Variants in SPATA9 observed in about 807,000 individuals in gnomAD.
SPATA9 encodes spermatogenesis associated 9.
In SPATA9, 27 loss-of-function variants were observed where a neutral mutation model predicts 25.5. That is an observed-to-expected ratio of 1.06 (90% CI 0.78 to 1.46). SPATA9 has a LOEUF of 1.46. SPATA9 is among the 40% of genes most tolerant of loss of function. The pLI is 0.00. For missense variants in SPATA9, 282 were observed against 297.5 expected (o/e 0.95, Z 0.38); for synonymous variants, 102 against 105.7 (o/e 0.97, Z 0.21).
chr5:95,721,759 G>C, the SPATA9 span, among the ~76,000 whole-genome samples: 2 of 150,110 alleles, frequency 1.3e-5, no homozygotes, highest in Admixed American at 6.6e-5. Context: ...AATCTCAGGA[G>C]AGAGTAATCA....
chr5:95,658,586 T>C lies in SPATA9; in HGVS notation c.*37A>G. On this transcript the variant is annotated 3_prime_UTR_variant, in exon 5 of 5. Coordinates refer to ENST00000274432, the MANE Select transcript of SPATA9 (RefSeq NM_031952.4). ...TTGTCAGATGAAATGTGCCATTAAA[T>C]AGATAACTCTTAAGTTCTGTTCAGT... The C allele has an allele frequency of 6.4e-7, 1 of 1,565,566 alleles. No homozygotes were observed. The highest frequency in any genetic ancestry group is 8.6e-7 in the Non-Finnish European group (1 of 1,157,982).
intron 3 of SPATA9, among the ~76,000 whole-genome samples, chr5:95,668,143 G>A (rs935068405): frequency 7.9e-5 from 12 of 152,218 alleles, no homozygotes; most frequent in African/African-American, 2.6e-4. Context: ...GGACTAGTAC[G>A]GGTGTCTACA....
At chr5:95,719,859 G>C in the SPATA9 span, 1 of 152,224 alleles carries the variant, frequency 6.6e-6, no homozygotes, top group Non-Finnish European at 1.5e-5. Context: ...ATATCTCTCT[G>C]TGATAACTCG....
At chr5:95,731,778 T>C in the SPATA9 span, 1 of 1,603,310 alleles carries the variant, frequency 6.2e-7, no homozygotes, top group Non-Finnish European at 8.5e-7. Context: ...CCGCGCGCTG[T>C]CCCCCGCACT....
chr5:95,712,075 A>G, the SPATA9 span, among the ~76,000 whole-genome samples: 61 of 152,098 alleles, frequency 4.0e-4, no homozygotes. Context: ...CAAGGCCGGG[A>G]CTCCATAAAT....
intron 4 of SPATA9, among the ~76,000 whole-genome samples, chr5:95,660,472 AGATATTT>A (rs1751160926): frequency 1.3e-5 from 2 of 152,186 alleles, no homozygotes; most frequent in African/African-American, 4.8e-5. Context: ...CTTATAATTA[AGATATTT>A]AAGTATCTTT....
At chr5:95,716,893 A>C in the SPATA9 span, 1 of 152,134 alleles carries the variant, frequency 6.6e-6, no homozygotes, top group African/African-American at 2.4e-5. Context: ...ATAAAGGGCA[A>C]TTCTCCTGCA....
At chr5:95,712,621 T>A in the SPATA9 span, among the ~76,000 whole-genome samples, 1 of 152,132 alleles carries the variant, frequency 6.6e-6, no homozygotes, top group Non-Finnish European at 1.5e-5. Context: ...GACAAGAAAG[T>A]GAAGGTGCCT....
At chr5:95,653,462 C>CT (rs1750486930), downstream of SPATA9, among the ~76,000 whole-genome samples, 2 of 152,340 alleles carry the variant, frequency 1.3e-5, no homozygotes, top group East Asian at 1.9e-4. Context: ...ACTTAAATCT[C>CT]TATGTTTTAC....
Position 95,658,750 on chromosome 5 carries a change from T to C in SPATA9, c.638A>G (p.Tyr213Cys). 8 of 1,613,908 alleles carry C rather than the reference T, an allele frequency of 5.0e-6. No homozygotes were observed. Among genetic ancestry groups the C allele is most frequent in the South Asian group, 1.1e-5 (1 of 91,076 alleles). Residue 213 changes from tyrosine (Y) to cysteine (C), a missense_variant, in exon 5 of 5, where the codon TAT becomes TGT. Transcript: ENST00000274432. ...FAEGEIKAKP[Y>C]RSLPEKPDIS... ...GTCTGGCTTCTCCGGCAATGACCTATAAGGTTTTGCTTTGATTTCACCTTC... is the reference window on the plus strand; with the variant it reads ...GTCTGGCTTCTCCGGCAATGACCTACAAGGTTTTGCTTTGATTTCACCTTC...
chr5:95,679,960 C>T (rs1430532545), intron 2 of SPATA9, among the ~76,000 whole-genome samples: 2 of 152,218 alleles, frequency 1.3e-5, no homozygotes, highest in African/African-American at 4.8e-5. Flanking sequence ...TGCAGTGGCG[C>T]GATCTCGGCT....
chr5:95,652,361 A>T, downstream of SPATA9: 1 of 1,544,622 alleles, frequency 6.5e-7, no homozygotes, highest in Non-Finnish European at 8.8e-7. Flanking sequence ...TGACCTGGAA[A>T]CTCCCCAGTT....
chr5:95,716,026 G>C, the SPATA9 span, among the ~76,000 whole-genome samples: 3 of 152,178 alleles, frequency 2.0e-5, no homozygotes, highest in African/African-American at 7.2e-5. Flanking sequence ...ACCAGAACTG[G>C]CAAAAATACA....
exon 9 of SPATA9, chr5:95,653,065 A>C (rs1257044507): frequency 1.3e-6 from 2 of 1,547,714 alleles, no homozygotes; most frequent in Non-Finnish European, 1.7e-6. Flanking sequence ...TCTGGAACAC[A>C]TTCACCAAGA....
chr5:95,653,954 C>A, downstream of SPATA9: 1 of 754,634 alleles, frequency 1.3e-6, no homozygotes, highest in Non-Finnish European at 2.1e-6. Flanking sequence ...AAAGTGCCTC[C>A]ATTAATCTTG....
downstream of SPATA9, chr5:95,656,406 A>T: frequency 1.1e-6 from 1 of 908,502 alleles, no homozygotes; most frequent in Non-Finnish European, 1.7e-6. Context: ...TTTTCAACAT[A>T]GGCACAACTG....
At chr5:95,731,080 C>A in the SPATA9 span, 1 of 1,082,190 alleles carries the variant, frequency 9.2e-7, no homozygotes, top group Non-Finnish European at 1.1e-6. Context: ...TTGCTGCAGG[C>A]GGATTGGCGG....
the SPATA9 span, chr5:95,731,275 G>C: frequency 9.8e-7 from 1 of 1,017,870 alleles, no homozygotes; most frequent in Non-Finnish European, 1.2e-6. Flanking sequence ...TGAGGGGGCG[G>C]AGGCCCCGAT....
chr5:95,673,823 C>T (rs1752648941), intron 3 of SPATA9, among the ~76,000 whole-genome samples: 1 of 151,466 alleles, frequency 6.6e-6, no homozygotes, highest in African/African-American at 2.4e-5. Flanking sequence ...TGACTCACTA[C>T]AACCTCTGCC....
Sources: gnomAD v4.1 joint callset for allele counts (sites outside exome capture counted in the v4.1 genomes callset) on GRCh38, gnomAD v4.1.1 for gene constraint, MANE v1.5 for transcripts, NCBI Gene and HGNC (gene_info 2026-07-23, HGNC 2026-07-21) for gene names.